NAALADL2: variants seen among roughly 807,000 people sequenced by gnomAD.
NAALADL2 encodes inactive N-acetylated-alpha-linked acidic dipeptidase-like protein 2.
In NAALADL2, 76 loss-of-function variants were observed where a neutral mutation model predicts 87.2. That is an observed-to-expected ratio of 0.87 (90% CI 0.72 to 1.05). The LOEUF (loss-of-function observed/expected upper bound fraction) is 1.05. Ranked by LOEUF, NAALADL2 falls within the 50% of genes least tolerant of loss-of-function variation. NAALADL2 has a pLI of 0.00. For synonymous variants in NAALADL2, 354 were observed against 331.0 expected, an observed-to-expected ratio of 1.07 and a Z score of -0.75; for missense variants, 1,089 against 945.8, an observed-to-expected ratio of 1.15 and a Z score of -1.99.
chr3:175,784,217 T>A (rs996628019), intron 13 of NAALADL2, among the ~76,000 whole-genome samples: 4 of 149,454 alleles, frequency 2.7e-5, no homozygotes, highest in African/African-American at 4.9e-5. Flanking sequence ...GCTGGCCTCA[T>A]AAAATGAGTT....
At chr3:175,690,351 C>A (rs540553891) in intron 11 of NAALADL2, among the ~76,000 whole-genome samples, 1 of 152,054 alleles carries the variant, frequency 6.6e-6, no homozygotes, top group East Asian at 1.9e-4. Context: ...TGAAACACAT[C>A]GTAAGAGGGT....
chr3:175,289,383 G>C (rs1345701164), intron 4 of NAALADL2, among the ~76,000 whole-genome samples: 1 of 152,078 alleles, frequency 6.6e-6, no homozygotes, highest in Non-Finnish European at 1.5e-5. Context: ...TCAATGGATA[G>C]AGTCCAGAAA....
At chr3:175,091,556 T>C (rs1175243019) in intron 1 of NAALADL2, among the ~76,000 whole-genome samples, 1 of 152,068 alleles carries the variant, frequency 6.6e-6, no homozygotes, top group Non-Finnish European at 1.5e-5. Context: ...ATAAGATCTG[T>C]ACAATCTTTT....
intron 9 of NAALADL2, among the ~76,000 whole-genome samples, chr3:175,549,564 ACAAT>A (rs1162975285): frequency 1.3e-5 from 2 of 151,844 alleles, no homozygotes; most frequent in East Asian, 1.9e-4. Context: ...CTTTTTGGAG[ACAAT>A]CAGAGACTGT....
At chr3:175,063,064 CTA>C (rs1325376487) in intron 1 of NAALADL2, among the ~76,000 whole-genome samples, 3 of 151,930 alleles carry the variant, frequency 2.0e-5, no homozygotes, top group African/African-American at 7.3e-5. Flanking sequence ...ATGGAGCTGG[CTA>C]TGTTTTTTGT....
chr3:174,768,524 C>G (rs763137268), intron 3 of NAALADL2, among the ~76,000 whole-genome samples: 8 of 152,124 alleles, frequency 5.3e-5, no homozygotes, highest in Non-Finnish European at 8.8e-5. Context: ...GTGCTTGACT[C>G]AAATGACATG....
chr3:175,424,927 G>A (rs1416641338), intron 5 of NAALADL2, among the ~76,000 whole-genome samples: 1 of 152,074 alleles, frequency 6.6e-6, no homozygotes, highest in Non-Finnish European at 1.5e-5. Flanking sequence ...TAATTCTTCT[G>A]CAACCTGGAA....
intron 3 of NAALADL2, among the ~76,000 whole-genome samples, chr3:174,764,230 T>C (rs1713472558): frequency 6.6e-6 from 1 of 152,258 alleles, no homozygotes; most frequent in South Asian, 2.1e-4. Context: ...CCACAGCATG[T>C]ACCTGTACTG....
chr3:175,506,616 A>T (rs760492818), intron 9 of NAALADL2, among the ~76,000 whole-genome samples: 4 of 152,252 alleles, frequency 2.6e-5, no homozygotes, highest in Non-Finnish European at 5.9e-5. Context: ...AGTGAGAGAC[A>T]AAACAGAATA....
At chr3:175,353,465 T>A (rs1486281525) in intron 5 of NAALADL2, among the ~76,000 whole-genome samples, 1 of 152,142 alleles carries the variant, frequency 6.6e-6, no homozygotes, top group African/African-American at 2.4e-5. Flanking sequence ...AAGGGCATAG[T>A]TTCTATATAA....
intron 2 of NAALADL2, among the ~76,000 whole-genome samples, chr3:175,128,110 A>G (rs930539249): frequency 6.6e-6 from 1 of 152,174 alleles, no homozygotes; most frequent in African/African-American, 2.4e-5. Flanking sequence ...GTAATATAGA[A>G]GGTTGTCAAG....
intron 2 of NAALADL2, among the ~76,000 whole-genome samples, chr3:174,642,628 T>C (rs1454293573): frequency 2.0e-5 from 3 of 151,682 alleles, no homozygotes; most frequent in African/African-American, 7.3e-5. Flanking sequence ...CTCTTTCTCT[T>C]CCTTGGGCTA....
At chr3:174,845,071 A>G (rs1724465039) in intron 3 of NAALADL2, among the ~76,000 whole-genome samples, 2 of 152,154 alleles carry the variant, frequency 1.3e-5, no homozygotes, top group Admixed American at 1.3e-4. Context: ...GTTTACAGCA[A>G]CTAGGTTAAT....
chr3:175,725,662 A>T (rs541008226), intron 11 of NAALADL2, among the ~76,000 whole-genome samples: 30 of 152,286 alleles, frequency 2.0e-4, no homozygotes, highest in African/African-American at 7.2e-4. Flanking sequence ...TAATTAGGGT[A>T]ACAATTAAGA....
intron 9 of NAALADL2, among the ~76,000 whole-genome samples, chr3:175,559,386 C>T (rs995732195): frequency 1.3e-5 from 2 of 151,470 alleles, no homozygotes; most frequent in Non-Finnish European, 2.9e-5. Context: ...CATCTGCAAA[C>T]AAGGATAATT....
Position 174,632,393 on chromosome 3 carries a change from G to A in NAALADL2, c.-115+81756G>A, listed in dbSNP as rs867691327. On this transcript the variant is annotated intron_variant, in intron 2 of 3. Transcript: ENST00000434257. ...CCTCACGTTGATTACATTAAAGTTC[G>A]GGGAAATAGGCAATAAACAAATACA... 1.9e-4 allele frequency among the ~76,000 whole-genome samples: 29 copies of A among 152,088 alleles called. No homozygotes were observed. In the Middle Eastern group the frequency reaches 0.01, roughly 54 times the overall value.
At chr3:174,877,797 C>T (rs532824947) in intron 1 of NAALADL2, among the ~76,000 whole-genome samples, 116 of 152,060 alleles carry the variant, frequency 7.6e-4, no homozygotes, top group African/African-American at 2.6e-3. Flanking sequence ...GCTGAAAGTA[C>T]GGAAGGGTTT....
At chr3:175,155,750 A>C (rs1171841252) in intron 2 of NAALADL2, among the ~76,000 whole-genome samples, 1 of 152,176 alleles carries the variant, frequency 6.6e-6, no homozygotes, top group Non-Finnish European at 1.5e-5. Context: ...CATTGGAATC[A>C]TCTCAGAGGC....
At chr3:175,779,686 A>G (rs1243883370) in intron 13 of NAALADL2, among the ~76,000 whole-genome samples, 1 of 152,202 alleles carries the variant, frequency 6.6e-6, no homozygotes, top group Non-Finnish European at 1.5e-5. Flanking sequence ...TACAATGAAA[A>G]TTAAGGTTTC....
Sources: allele counts gnomAD v4.1 joint callset (sites outside exome capture counted in the v4.1 genomes callset), GRCh38; gene constraint gnomAD v4.1.1; transcripts MANE v1.5; gene names NCBI Gene and HGNC (gene_info 2026-07-23, HGNC 2026-07-21).